Variants in G3BP2 observed in about 807,000 individuals in gnomAD.
The protein encoded by G3BP2 is G3BP stress granule assembly factor 2.
In G3BP2, 11 loss-of-function variants were observed where a neutral mutation model predicts 56.7. The observed-to-expected ratio is 0.19, with a 90% CI of 0.12 to 0.32. The LOEUF (loss-of-function observed/expected upper bound fraction) is 0.32. Ranked by LOEUF, G3BP2 falls within the 10% of genes least tolerant of loss-of-function variation. The pLI is 1.00. For synonymous variants in G3BP2, 165 were observed against 191.6 expected (o/e 0.86, Z 1.15); for missense variants, 340 against 610.9 (o/e 0.56, Z 4.67).
intron 3 of G3BP2, among the ~76,000 whole-genome samples, chr4:75,711,002 C>A (rs540290508): frequency 6.6e-6 from 1 of 152,210 alleles, no homozygotes; most frequent in Non-Finnish European, 1.5e-5. Context: ...TCTCACCATT[C>A]CTATTCAACC....
At chr4:75,711,722 AATAAT>A in intron 3 of G3BP2, among the ~76,000 whole-genome samples, 1 of 152,190 alleles carries the variant, frequency 6.6e-6, no homozygotes, top group African/African-American at 2.4e-5. Flanking sequence ...TCAAAAAATA[AATAAT>A]ATAATATAAT....
At chr4:75,652,389 AATGCGGGTGGATC>A (rs1237325734) in intron 8 of G3BP2, among the ~76,000 whole-genome samples, 2 of 152,130 alleles carry the variant, frequency 1.3e-5, no homozygotes, top group African/African-American at 4.8e-5. Context: ...TTGGGAGGCC[AATGCGGGTGGATC>A]ACTTGGGTCA....
intron 3 of G3BP2, among the ~76,000 whole-genome samples, chr4:75,714,997 A>G (rs1719881914): frequency 6.6e-6 from 1 of 152,186 alleles, no homozygotes; most frequent in Admixed American, 6.5e-5. Flanking sequence ...TGGTAATCCA[A>G]TTGATACAGC....
chr4:75,683,965 G>A (rs1718456063), intron 3 of G3BP2, among the ~76,000 whole-genome samples: 1 of 152,184 alleles, frequency 6.6e-6, no homozygotes, highest in Admixed American at 6.5e-5. Flanking sequence ...GTTGGAAGCA[G>A]AGGATTTTTT....
chr4:75,655,816 G>C lies in G3BP2; in HGVS notation c.497C>G (p.Pro166Arg). The C allele has an allele frequency of 1.9e-6, 3 of 1,604,200 alleles. No homozygotes were observed. The highest frequency in any genetic ancestry group is 1.7e-6 in the Non-Finnish European group (2 of 1,171,136). ...ACCACTGTTAGCATTTTCTTGCACA[G>C]GTTCAGGAGATGGTTGTCTTTCTTC... ...EQEERQPSPE[P>R]VQENANSGYY... Residue 166 changes from proline to arginine, a missense_variant, in exon 6 of 12, where the codon CCT becomes CGT. Pro to Arg is a moderately radical substitution (Grantham distance 103, BLOSUM62 -2). Transcript: ENST00000359707.
chr4:75,720,542 G>A (rs966003002), intron 3 of G3BP2, among the ~76,000 whole-genome samples: 1 of 148,934 alleles, frequency 6.7e-6, no homozygotes, highest in Non-Finnish European at 1.5e-5. Context: ...AGGCGCGGTG[G>A]CTCACGCACT....
At chr4:75,683,464 T>C (rs1734161248) in intron 3 of G3BP2, among the ~76,000 whole-genome samples, 1 of 151,840 alleles carries the variant, frequency 6.6e-6, no homozygotes. Context: ...CTCGGGAGGC[T>C]GAGGCAGGAG....
At position 75,685,456 on chromosome 4, in the gene G3BP2, G is replaced by A. The variant is rs567828866; in HGVS notation, c.-24-23407C>T. Reference sequence around the variant, plus strand: ...GTGGAGGTTGCAGTGAGCCGAGATCGCGTCACTGCACTCCAACCTGGGGGA... The same window carrying A: ...GTGGAGGTTGCAGTGAGCCGAGATCACGTCACTGCACTCCAACCTGGGGGA... On this transcript the variant is annotated intron_variant, in intron 3 of 3. Transcript: ENST00000499709. Among the ~76,000 whole-genome samples, 720 of 148,636 alleles carry A rather than the reference G, an allele frequency of 4.8e-3. 1 individual carries two copies. The highest frequency in any genetic ancestry group is 7.3e-3 in the Non-Finnish European group (490 of 67,524).
intron 3 of G3BP2, among the ~76,000 whole-genome samples, chr4:75,688,306 G>C (rs990415770): frequency 6.6e-6 from 1 of 152,144 alleles, no homozygotes; most frequent in Non-Finnish European, 1.5e-5. Context: ...GCCTCCCAAA[G>C]TGCTGGGATT....
At chr4:75,704,664 GCT>G (rs1719475880) in intron 3 of G3BP2, among the ~76,000 whole-genome samples, 1 of 151,604 alleles carries the variant, frequency 6.6e-6, no homozygotes, top group South Asian at 2.1e-4. Context: ...ACAGAGCCTT[GCT>G]CTGTCACCCA....
chr4:75,706,691 A>AT (rs1008849524), intron 3 of G3BP2, among the ~76,000 whole-genome samples: 3 of 151,774 alleles, frequency 2.0e-5, no homozygotes, highest in Non-Finnish European at 4.4e-5. Context: ...AAAAAAAAAA[A>AT]AAAGAATGAG....
chr4:75,719,049 C>T (rs939770254), intron 3 of G3BP2, among the ~76,000 whole-genome samples: 8 of 152,108 alleles, frequency 5.3e-5, no homozygotes, highest in African/African-American at 1.4e-4. Flanking sequence ...TATCTTTAAA[C>T]GTTCAGTTGT....
intron 8 of G3BP2, 102 bp downstream of exon 8, chr4:75,653,881 T>C: frequency 1.6e-6 from 1 of 638,004 alleles, no homozygotes; most frequent in Non-Finnish European, 2.9e-6. Flanking sequence ...TTTTGTATAT[T>C]TAATCCATAA....
intron 3 of G3BP2, among the ~76,000 whole-genome samples, chr4:75,697,984 A>C (rs1172724698): frequency 6.6e-6 from 1 of 152,190 alleles, no homozygotes; most frequent in African/African-American, 2.4e-5. Context: ...ACAACCACTT[A>C]TACATTTTTA....
At chr4:75,693,686 G>C (rs1718971985) in intron 3 of G3BP2, among the ~76,000 whole-genome samples, 1 of 151,816 alleles carries the variant, frequency 6.6e-6, no homozygotes, top group South Asian at 2.1e-4. Flanking sequence ...CTACTCAGGA[G>C]GCTGAGGCAG....
At chr4:75,654,453 G>A (rs1731932790) in intron 7 of G3BP2, among the ~76,000 whole-genome samples, 1 of 152,110 alleles carries the variant, frequency 6.6e-6, no homozygotes, top group African/African-American at 2.4e-5. Context: ...AACGGGAGAG[G>A]GAAGGATAGG....
Position 75,645,439 on chromosome 4 carries a change from C to T in G3BP2, c.1440G>A (p.Gln480=), listed in dbSNP as rs1389288348. 7 of 1,613,458 alleles carry T rather than the reference C, an allele frequency of 4.3e-6. No individual in the cohort carries two copies. Among genetic ancestry groups the T allele is most frequent in the East Asian group, 2.2e-5 (1 of 44,884 alleles). The change falls in exon 12 of 12, where the codon CAG becomes CAA. Residue 480 remains glutamine (Q), a synonymous_variant. Transcript: ENST00000359707. ...TGCCAACAGTGGAGCTTCAGCGACG[C>T]TGTCCTGTGAAGCGGCCCTCCATTT... ...TGQMEGRFTG[Q]RR is the part of the protein sequence containing the mutation.
chr4:75,657,641 T>C lies in G3BP2; in HGVS notation c.267A>G (p.Gly89=). The change falls in exon 4 of 12, where the codon GGA becomes GGG. Residue 89 remains glycine, a synonymous_variant. Transcript: ENST00000359707. Reference sequence around the variant, plus strand: ...GCAAACCCATGACCTGGACAACTACTCCATCACTCAAGGTTGCATGAGCAT... The same window carrying C: ...GCAAACCCATGACCTGGACAACTACCCCATCACTCAAGGTTGCATGAGCAT... ...HVDAHATLSD[G]VVVQVMGLLS... 6.2e-7 allele frequency: 1 copy of C among 1,612,700 alleles called. No individual in the cohort carries two copies. The highest frequency in any genetic ancestry group is 8.5e-7 in the Non-Finnish European group (1 of 1,178,656).
intron 8 of G3BP2, chr4:75,649,032 A>C (rs1731460124): frequency 1.1e-5 from 2 of 177,376 alleles, no homozygotes; most frequent in South Asian, 1.8e-4. Flanking sequence ...ATAGCATAAA[A>C]GGTATTGCTA....
Sources: gnomAD v4.1 joint callset for allele counts (sites outside exome capture counted in the v4.1 genomes callset) on GRCh38, gnomAD v4.1.1 for gene constraint, MANE v1.5 for transcripts, NCBI Gene and HGNC (gene_info 2026-07-23, HGNC 2026-07-21) for gene names.